The following INPP5D variants were observed in gnomAD, a reference collection of about 807,000 sequenced individuals.
INPP5D encodes the protein inositol polyphosphate-5-phosphatase D, also known as phosphatidylinositol 3,4,5-trisphosphate 5-phosphatase 1.
Under a neutral mutation model 122.9 loss-of-function variants are expected in INPP5D, and 33 were observed. That is an observed-to-expected ratio of 0.27 (90% confidence interval 0.20 to 0.36). INPP5D has a LOEUF of 0.36. Ranked by LOEUF, INPP5D falls within the 10% of genes least tolerant of loss-of-function variation. INPP5D has a pLI of 1.00. For synonymous variants in INPP5D, 584 were observed against 576.2 expected, an observed-to-expected ratio of 1.01 and a Z score of -0.19; for missense variants, 1,053 against 1,412.7, an observed-to-expected ratio of 0.75 and a Z score of 4.08.
intron 24 of INPP5D, 148 bp downstream of exon 24, chr2:233,195,643 T>G: frequency 7.3e-7 from 1 of 1,376,650 alleles, no homozygotes; most frequent in Non-Finnish European, 9.9e-7. Context: ...GCCTAGGAGT[T>G]TGAGACCAGC....
Position 233,170,307 on chromosome 2 carries a change from C to T in INPP5D, c.1791+143C>T. On this transcript the variant is annotated intron_variant, in intron 15 of 26. Coordinates refer to ENST00000445964, the MANE Select transcript of INPP5D (RefSeq NM_001017915.3). The surrounding 1 kb of genome is among the most constrained non-coding windows in gnomAD (Gnocchi z 4.5). ...CCCCTTGGGGGCTCAACGCTGTTTC[C>T]ATTACTGAGCCTCAGCCGCTCCTCA... 6.7e-7 allele frequency: 1 copy of T among 1,489,476 alleles called. No individual in the cohort carries two copies. Among genetic ancestry groups the T allele is most frequent in the Non-Finnish European group, 9.0e-7 (1 of 1,113,300 alleles). 92.3% of individuals were successfully genotyped at this position (1,489,476 alleles called of 1,614,324 possible).
chr2:233,098,496 C>A (rs751735648), intron 2 of INPP5D, among the ~76,000 whole-genome samples: 2 of 152,176 alleles, frequency 1.3e-5, no homozygotes, highest in Non-Finnish European at 2.9e-5. Context: ...TTCTGGTCTT[C>A]TTTAACGTGT....
At chr2:233,140,018 G>C in intron 6 of INPP5D, 89 bp downstream of exon 6, 1 of 393,856 alleles carries the variant, frequency 2.5e-6, no homozygotes. Flanking sequence ...GAGGAAGAGG[G>C]GAGCACTGCC....
rs762580325 is a variant in INPP5D, at chr2:233,204,448, G to A, written c.3298G>A (p.Asp1100Asn). 1 of 1,599,636 alleles carries A rather than the reference G, an allele frequency of 6.3e-7. No individual in the cohort carries two copies. Among genetic ancestry groups the A allele is most frequent in the Non-Finnish European group, 8.5e-7 (1 of 1,174,138 alleles). Residue 1100 changes from aspartate to asparagine, a missense_variant, in exon 26 of 27, where the codon GAC becomes AAC. Physicochemically the swap from Asp to Asn is conservative, Grantham distance 23. Around this residue, in one of 6 missense-constraint regions of INPP5D, gnomAD observed 417 missense variants for 425.8 expected, o/e 0.98. Transcript: ENST00000445964. Reference protein sequence around the residue: ...SSAEGRAAGGDKSQGKPKTPV... With the variant: ...SSAEGRAAGGNKSQGKPKTPV... The stretch of plus-strand genomic sequence containing the variant: ...TGCCGAGGGCAGGGCGGCCGGCGGG[G>A]ACAAGAGCCAAGGGAAGCCCAAGAC...
In INPP5D at chr2:233,082,824, C is replaced by T. The variant is rs749065893; in HGVS notation, c.198+3426C>T. 2.0e-5 allele frequency among the ~76,000 whole-genome samples: 3 copies of T among 152,332 alleles called. No homozygotes were observed. The highest frequency in any genetic ancestry group is 2.1e-4 in the South Asian group (1 of 4,826). ...TAAATATGAGTGTTGCTGAGAACTGCGGAAGTTGGAACTCACAGCCAGGCC... is the reference window on the plus strand; with the variant it reads ...TAAATATGAGTGTTGCTGAGAACTGTGGAAGTTGGAACTCACAGCCAGGCC... On this transcript the variant is annotated intron_variant, in intron 2 of 26. Coordinates refer to ENST00000445964, the MANE Select transcript of INPP5D (RefSeq NM_001017915.3). The surrounding 1 kb of genome is among the most constrained non-coding windows in gnomAD (Gnocchi z 4.7).
chr2:233,204,831 T>TGCGTGCATGTGTGAAC, intron 26 of INPP5D, 114 bp downstream of exon 26: 2 of 1,393,890 alleles, frequency 1.4e-6, no homozygotes, highest in Admixed American at 3.0e-5. Context: ...CATGCATATG[T>TGCGTGCATGTGTGAAC]GCGTGCATGT....
At chr2:233,187,762 G>T (rs192616432) in intron 21 of INPP5D, among the ~76,000 whole-genome samples, 5 of 152,168 alleles carry the variant, frequency 3.3e-5, no homozygotes, top group Non-Finnish European at 7.4e-5. Context: ...CCCCTGAGTC[G>T]TGGGGGCTCT....
At chr2:233,204,770 G>T in intron 26 of INPP5D, 53 bp downstream of exon 26, 3 of 1,407,944 alleles carry the variant, frequency 2.1e-6, no homozygotes, top group Non-Finnish European at 1.9e-6. Context: ...GTGCATGCGT[G>T]AGTGCGTATG....
In INPP5D at chr2:233,197,407, G is replaced by A. The variant is rs115682214; in HGVS notation, c.2694-688G>A. Among the ~76,000 whole-genome samples the A allele has an allele frequency of 6.0e-4, 92 of 152,196 alleles. 1 individual carries two copies. The highest frequency in any genetic ancestry group is 2.1e-3 in the African/African-American group (87 of 41,550). On this transcript the variant is annotated intron_variant, in intron 24 of 26. Coordinates refer to ENST00000445964, the MANE Select transcript of INPP5D (RefSeq NM_001017915.3). The surrounding 1 kb of genome is among the most constrained non-coding windows in gnomAD (Gnocchi z 4.4). ...CACACACAAATGTGTGAGCTGATGT[G>A]TTCCAGAGGAACCCCTGCTGGAGTC...
intron 13 of INPP5D, among the ~76,000 whole-genome samples, chr2:233,166,190 TC>T (rs1326758836): frequency 6.6e-6 from 1 of 152,042 alleles, no homozygotes; most frequent in Non-Finnish European, 1.5e-5. Context: ...GTGGATTCCA[TC>T]GCTCCCTGGG....
At chr2:233,151,791 T>C (rs1291445643) in intron 9 of INPP5D, among the ~76,000 whole-genome samples, 2 of 152,104 alleles carry the variant, frequency 1.3e-5, no homozygotes, top group African/African-American at 2.4e-5. Context: ...TAAATGCATA[T>C]TGAGAGAACG....
chr2:233,109,832 C>T (rs1177818580), intron 2 of INPP5D, among the ~76,000 whole-genome samples: 6 of 151,110 alleles, frequency 4.0e-5, no homozygotes, highest in South Asian at 4.2e-4. Context: ...ATGAACCACC[C>T]GCCTCAGCCT....
At chr2:233,168,685 T>A (rs1050232237) in intron 13 of INPP5D, 1 of 152,256 alleles carries the variant, frequency 6.6e-6, no homozygotes, top group Non-Finnish European at 1.5e-5. Context: ...TAAAACCATT[T>A]GTAGCTGGCA....
chr2:233,086,125 C>CT (rs1020322966), intron 2 of INPP5D, among the ~76,000 whole-genome samples: 1 of 91,548 alleles, frequency 1.1e-5, no homozygotes, highest in African/African-American at 4.8e-5. Context: ...TAGCCTCTTT[C>CT]TTTCTTTCTT....
In INPP5D at chr2:233,097,312, C is replaced by T. The variant is rs1574722616; in HGVS notation, c.198+17914C>T. Reference sequence around the variant, plus strand: ...TATTATTCTCATTAGTCCTTGCTTGCCATGCATTTTCTTTTCCAGGTGATT... The same window carrying T: ...TATTATTCTCATTAGTCCTTGCTTGTCATGCATTTTCTTTTCCAGGTGATT... On this transcript the variant is annotated intron_variant, in intron 2 of 26. Transcript: ENST00000445964. 2.0e-5 allele frequency among the ~76,000 whole-genome samples: 3 copies of T among 152,296 alleles called. No individual in the cohort carries two copies. The East Asian group carries it at 5.8e-4, about 29-fold the overall frequency.
chr2:233,094,149 G>T (rs1009490925), intron 2 of INPP5D, among the ~76,000 whole-genome samples: 3 of 150,980 alleles, frequency 2.0e-5, no homozygotes, highest in East Asian at 3.9e-4. Context: ...ATTGCACATT[G>T]AAATCTTAAT....
intron 2 of INPP5D, among the ~76,000 whole-genome samples, chr2:233,090,714 T>C (rs1208691318): frequency 2.0e-5 from 3 of 152,020 alleles, no homozygotes; most frequent in African/African-American, 4.8e-5. Context: ...TCCCAGCACT[T>C]TGGGAGGCCA....
chr2:233,163,782 C>A lies in INPP5D; in HGVS notation c.1316C>A (p.Ala439Glu). 1.2e-6 allele frequency: 2 copies of A among 1,613,960 alleles called. No homozygotes were observed. The highest frequency in any genetic ancestry group is 1.7e-6 in the Non-Finnish European group (2 of 1,179,886). ...KGQGKTRDDS[A>E]DYIPHDIYVI... The stretch of plus-strand genomic sequence containing the variant: ...CAGGGAAAGACGCGGGACGACTCTG[C>A]GGACTACATCCCCCATGACATTTAC... Residue 439 changes from alanine to glutamate, a missense_variant, in exon 12 of 27, where the codon GCG (alanine) becomes GAG (glutamate). By Grantham distance (107) the Ala-to-Glu change is moderately radical. Transcript: ENST00000445964.
chr2:233,103,766 G>A (rs1692385406), intron 2 of INPP5D, among the ~76,000 whole-genome samples: 1 of 149,608 alleles, frequency 6.7e-6, no homozygotes, highest in African/African-American at 2.5e-5. Flanking sequence ...GAGTGTGGTG[G>A]CATGATCTCG....
Sources: allele counts gnomAD v4.1 joint callset (sites outside exome capture counted in the v4.1 genomes callset), GRCh38; gene constraint gnomAD v4.1.1; regional missense constraint gnomAD v4.1.1; non-coding constraint Gnocchi (gnomAD v3.1); transcripts MANE v1.5; gene names NCBI Gene and HGNC (gene_info 2026-07-23, HGNC 2026-07-21).